Variants in APLP1 observed in about 807,000 individuals in gnomAD.
APLP1 encodes amyloid beta precursor like protein 1.
In APLP1, 46 loss-of-function variants were observed where a neutral mutation model predicts 84.5. The ratio of observed to expected loss-of-function variants is 0.54; its 90% confidence interval spans 0.43 to 0.70. The LOEUF is 0.70. Among genes scored for constraint, APLP1 ranks in the 30% least tolerant of loss-of-function variants. APLP1 has a pLI of 0.00. For missense variants in APLP1, 826 were observed against 900.2 expected, an observed-to-expected ratio of 0.92 and a Z score of 1.05; for synonymous variants, 376 against 364.0, an observed-to-expected ratio of 1.03 and a Z score of -0.38.
chr19:35,878,070 T>A lies in APLP1; in HGVS notation c.1553-12T>A. ...TTCACTGTTCCACTCCCTTGCTTCC[T>A]CTGGCTGCCAGCAGACACCCCCATG... On this transcript the variant is annotated splice_polypyrimidine_tract_variant and intron_variant, in intron 12 of 16. Coordinates refer to ENST00000221891, the MANE Select transcript of APLP1 (RefSeq NM_001024807.3). The A allele has an allele frequency of 1.1e-5, 18 of 1,612,230 alleles. No individual in the cohort carries two copies. The highest frequency in any genetic ancestry group is 1.5e-5 in the Non-Finnish European group (18 of 1,179,244).
chr19:35,872,359 A>G, intron 6 of APLP1, 124 bp from the exon 7 acceptor site: 1 of 1,322,426 alleles, frequency 7.6e-7, no homozygotes, highest in Non-Finnish European at 1.0e-6. Context: ...AATGCCAGGC[A>G]GCAGCGGTGG....
intron 7 of APLP1, among the ~76,000 whole-genome samples, chr19:35,873,210 G>C (rs1404196672): frequency 6.6e-6 from 1 of 150,380 alleles, no homozygotes; most frequent in Non-Finnish European, 1.5e-5. Context: ...GAACCCAGGA[G>C]CCAGCGAGAC....
Position 35,869,276 on chromosome 19 carries a change from C to T in APLP1, c.148-391C>T. 9.8e-6 allele frequency: 5 copies of T among 510,586 alleles called. No homozygotes were observed. In the African/African-American group the frequency reaches 1.0e-4, roughly 10 times the overall value. The allele number at this position is 510,586 out of a possible 1,614,324, so 31.6% of individuals were successfully genotyped here. Reference sequence around the variant, plus strand: ...GGACTGTAGGCCCCTGAAGCCAGGCCTTGTCAGCTTTGCATCCTGCAACGG... The same window carrying T: ...GGACTGTAGGCCCCTGAAGCCAGGCTTTGTCAGCTTTGCATCCTGCAACGG... On this transcript the variant is annotated intron_variant, in intron 1 of 16. Transcript: ENST00000221891.
intron 2 of APLP1, 130 bp downstream of exon 2, chr19:35,869,940 T>C: frequency 8.2e-7 from 1 of 1,215,044 alleles, no homozygotes; most frequent in Non-Finnish European, 1.1e-6. Flanking sequence ...GGCGCAACTA[T>C]GCTAGGGGCA....
chr19:35,870,795 A>G, intron 2 of APLP1, 101 bp from the exon 3 acceptor site: 1 of 1,450,866 alleles, frequency 6.9e-7, no homozygotes, highest in Non-Finnish European at 9.2e-7. Flanking sequence ...AAAGAAAGAA[A>G]GAAAGAGGGA....
chr19:35,872,742 C>T, intron 7 of APLP1, 129 bp downstream of exon 7: 1 of 973,218 alleles, frequency 1.0e-6, no homozygotes, highest in East Asian at 2.9e-5. Flanking sequence ...GCTCTCAACA[C>T]CACCCCCTAA....
In APLP1 at chr19:35,874,851, A is replaced by G. The variant is rs780747966; in HGVS notation, c.1326A>G (p.Ala442=). The change falls in exon 10 of 17, where the codon GCA becomes GCG. Residue 442 remains alanine (A), a synonymous_variant. Coordinates refer to ENST00000221891, the MANE Select transcript of APLP1 (RefSeq NM_001024807.3). This position sits in a 1 kb window ranked among gnomAD's most constrained non-coding sequence, Gnocchi z 6.4. Reference sequence around the variant, plus strand: ...TGGCCGCCGTGGATCCCGAGAAGGCACAGCAGATGCGCTTCCAGGTGCTCA... The same window carrying G: ...TGGCCGCCGTGGATCCCGAGAAGGCGCAGCAGATGCGCTTCCAGGTGCTCA... ...QHVAAVDPEK[A]QQMRFQVHTH... 6.2e-7 allele frequency: 1 copy of G among 1,609,856 alleles called. No individual in the cohort carries two copies. Among genetic ancestry groups the G allele is most frequent in the African/African-American group, 1.3e-5 (1 of 75,026 alleles).
intron 2 of APLP1, chr19:35,870,071 G>A: frequency 1.9e-6 from 1 of 524,686 alleles, no homozygotes; most frequent in Non-Finnish European, 3.3e-6. Context: ...GGGGAGTGGC[G>A]AAAGGATAGG....
At chr19:35,878,991 C>G in intron 15 of APLP1, 39 bp downstream of exon 15, 6 of 1,613,848 alleles carry the variant, frequency 3.7e-6, no homozygotes, top group Non-Finnish European at 5.1e-6. Flanking sequence ...GGGAAGAGAC[C>G]AGAGGTCAGC....
In APLP1 at chr19:35,870,876, C is replaced by G. The variant is rs749028660; in HGVS notation, c.292-20C>G. On this transcript the variant is annotated intron_variant, in intron 2 of 16. Transcript: ENST00000221891. ...CAGGGGCGGGGCAGTGGGCTGATTG[C>G]CCCCATCTGATCCCCCCAGATGTAC... 6.3e-7 allele frequency: 1 copy of G among 1,597,590 alleles called. No individual in the cohort carries two copies. Among genetic ancestry groups the G allele is most frequent in the African/African-American group, 1.3e-5 (1 of 74,772 alleles).
At position 35,877,491 on chromosome 19, in the gene APLP1, AAAAAAAAAAAC is replaced by A. The variant is rs1448080929; in HGVS notation, c.1445-214_1445-204del. On this transcript the variant is annotated intron_variant, in intron 11 of 16. Coordinates refer to ENST00000221891, the MANE Select transcript of APLP1 (RefSeq NM_001024807.3). ...CAACAAGAGTGAGACTCTGTCTCAA[AAAAAAAAAAAC>A]AAAAAAAAAACATAATCTTGAAACT... 1.5e-3 allele frequency among the ~76,000 whole-genome samples: 213 copies of A among 146,562 alleles called. 2 individuals carry two copies. Among genetic ancestry groups the A allele is most frequent in the African/African-American group, 4.9e-3 (184 of 37,606 alleles).
At position 35,868,947 on chromosome 19, in the gene APLP1, T is replaced by TCC; in HGVS notation, c.147+168_147+169dup. The TCC allele has an allele frequency of 2.5e-6, 1 of 406,966 alleles. No homozygotes were observed. Among genetic ancestry groups the TCC allele is most frequent in the Admixed American group, 5.8e-5 (1 of 17,354 alleles). The allele number at this position is 406,966 out of a possible 1,614,324, so 25.2% of individuals were successfully genotyped here. A position where few individuals can be genotyped will look rare whatever the true frequency, so the allele number is the denominator to read the frequency against. ...TGAACCCAGGGTTCCAGGCCCCAGC[T>TCC]CCCCCATCATGCGACGTCCCAGCCC... On this transcript the variant is annotated intron_variant, in intron 1 of 16. Transcript: ENST00000221891. The surrounding 1 kb of genome is among the most constrained non-coding windows in gnomAD (Gnocchi z 5.2).
chr19:35,872,435 G>T, intron 6 of APLP1, 48 bp from the exon 7 acceptor site: 2 of 1,588,088 alleles, frequency 1.3e-6, no homozygotes, highest in South Asian at 2.3e-5. Context: ...TAGAAAAGGC[G>T]ACCTGGAGGT....
intron 4 of APLP1, 45 bp from the exon 5 acceptor site, chr19:35,871,567 C>G (rs748192797): frequency 5.0e-6 from 8 of 1,610,882 alleles, no homozygotes; most frequent in Middle Eastern, 1.7e-4. Context: ...CCATCTACCC[C>G]CTCCCATCCC....
rs972007332 is a variant in APLP1 at position 35,874,885 on chromosome 19, C to T, written c.1344+16C>T. 4 of 1,604,332 alleles carry T rather than the reference C, an allele frequency of 2.5e-6. No homozygotes were observed. In the South Asian group the frequency reaches 4.4e-5, roughly 18 times the overall value. The stretch of plus-strand genomic sequence containing the variant: ...GCGCTTCCAGGTGCTCACATCCTTC[C>T]AGCTCCCAAATGCGCCGCTATTCCT... On this transcript the variant is annotated intron_variant, in intron 10 of 16. Coordinates refer to ENST00000221891, the MANE Select transcript of APLP1 (RefSeq NM_001024807.3). The surrounding 1 kb of genome is among the most constrained non-coding windows in gnomAD (Gnocchi z 6.4).
intron 11 of APLP1, 34 bp from the exon 12 acceptor site, chr19:35,877,684 C>T: frequency 6.5e-7 from 1 of 1,538,436 alleles, no homozygotes; most frequent in East Asian, 2.3e-5. Flanking sequence ...CCTATGCTCA[C>T]TACCTCAGCC....
intron 14 of APLP1, 78 bp from the exon 15 acceptor site, chr19:35,878,812 G>T: frequency 6.4e-7 from 1 of 1,572,920 alleles, no homozygotes; most frequent in Non-Finnish European, 8.7e-7. Flanking sequence ...AGAGGGCTGG[G>T]GGACGCTCTC....
At position 35,871,004 on chromosome 19, in the gene APLP1, C is replaced by G; in HGVS notation, c.400C>G (p.Gln134Glu). Residue 134 changes from glutamine (Q) to glutamate (E), a missense_variant, in exon 3 of 17, where the codon CAG (glutamine) becomes GAG (glutamate). By Grantham distance (29) the Gln-to-Glu change is conservative (BLOSUM62 2). This residue lies in a region of APLP1 where 383 missense variants were observed against 378.3 expected (regional missense o/e 1.01). Transcript: ENST00000221891. ...RSGSCAHPHHQVVPFRCLPGE... is the reference protein window; with the variant it reads ...RSGSCAHPHHEVVPFRCLPGE... ...CGGCAGCTGCGCCCACCCCCACCAC[C>G]AGGTTGTGCCCTTCCGCTGCCTGCG... is the stretch of plus-strand genomic sequence containing the variant. 6.5e-7 allele frequency: 1 copy of G among 1,544,398 alleles called. No homozygotes were observed. Among genetic ancestry groups the G allele is most frequent in the Non-Finnish European group, 8.7e-7 (1 of 1,146,188 alleles).
At position 35,874,952 on chromosome 19, in the gene APLP1, C is replaced by T; in HGVS notation, c.1344+83C>T. The T allele has an allele frequency of 6.6e-7, 1 of 1,513,954 alleles. No individual in the cohort carries two copies. The highest frequency in any genetic ancestry group is 1.9e-5 in the Admixed American group (1 of 51,446). The allele number at this position is 1,513,954 out of a possible 1,614,324, so 93.8% of individuals were successfully genotyped here. On this transcript the variant is annotated intron_variant, in intron 10 of 16. Coordinates refer to ENST00000221891, the MANE Select transcript of APLP1 (RefSeq NM_001024807.3). The surrounding 1 kb of genome is among the most constrained non-coding windows in gnomAD (Gnocchi z 6.4). Reference sequence around the variant, plus strand: ...AGGCTCTTCTCTTGTCCCTTAGACCCTCTTTCTGTCTCTTGGACCCCTTCC... The same window carrying T: ...AGGCTCTTCTCTTGTCCCTTAGACCTTCTTTCTGTCTCTTGGACCCCTTCC...
Sources: allele counts gnomAD v4.1 joint callset (sites outside exome capture counted in the v4.1 genomes callset), GRCh38; gene constraint gnomAD v4.1.1; regional missense constraint gnomAD v4.1.1; non-coding constraint Gnocchi (gnomAD v3.1); transcripts MANE v1.5; gene names NCBI Gene and HGNC (gene_info 2026-07-23, HGNC 2026-07-21).